The following GPRIN3 variants were observed in gnomAD, a reference collection of about 807,000 sequenced individuals.
GPRIN3 encodes the protein GPRIN family member 3, also known as G protein-regulated inducer of neurite outgrowth 3.
A neutral mutation model predicts 13.7 loss-of-function variants in GPRIN3; 12 were observed. That is an observed-to-expected ratio of 0.87 (90% CI 0.56 to 1.42). The LOEUF is 1.42. Among genes scored for constraint, GPRIN3 ranks in the 40% most tolerant of loss-of-function variants. GPRIN3 has a pLI of 0.00. For missense variants in GPRIN3, 1,009 were observed against 958.7 expected (o/e 1.05, Z -0.69); for synonymous variants, 377 against 372.7 (o/e 1.01, Z -0.13).
At position 89,248,749 on chromosome 4, in the gene GPRIN3, C is replaced by G; in HGVS notation, c.1362G>C (p.Lys454Asn). 6.2e-7 allele frequency: 1 copy of G among 1,614,150 alleles called. No homozygotes were observed. Among genetic ancestry groups the G allele is most frequent in the Non-Finnish European group, 8.5e-7 (1 of 1,180,028 alleles). ...TPVREESTAKKLAGTNSSSLK... is the reference protein window; with the variant it reads ...TPVREESTAKNLAGTNSSSLK... Reference sequence around the variant, plus strand: ...GGGAGCTAGAATTAGTACCTGCGAGCTTTTTAGCAGTTGACTCTTCCCTCA... The same window carrying G: ...GGGAGCTAGAATTAGTACCTGCGAGGTTTTTAGCAGTTGACTCTTCCCTCA... Residue 454 changes from lysine (K) to asparagine (N), a missense_variant, in exon 2 of 2, where the codon AAG becomes AAC. Transcript: ENST00000609438.
intron 1 of GPRIN3, among the ~76,000 whole-genome samples, chr4:89,255,161 T>C (rs543184749): frequency 6.6e-6 from 1 of 152,140 alleles, no homozygotes; most frequent in Admixed American, 6.5e-5. Context: ...GAACATGGAC[T>C]CTGGGGCAGA....
chr4:89,238,906 A>G lies in GPRIN3; in HGVS notation c.*8874T>C, dbSNP rs1722852184. ...GAAAAGTGAGATGCAAAAAAATCAT[A>G]ATCTAAATTTTTTGATGGTAAAACT... On this transcript the variant is annotated 3_prime_UTR_variant, in exon 2 of 2. Transcript: ENST00000609438. 1 of 152,210 alleles carries G rather than the reference A, an allele frequency of 6.6e-6. No individual in the cohort carries two copies. The highest frequency in any genetic ancestry group is 2.1e-4 in the South Asian group (1 of 4,836). The allele number at this position is 152,210 out of a possible 1,614,324, so 9.4% of individuals were successfully genotyped here.
chr4:89,280,265 A>C (rs545852283), intron 1 of GPRIN3, among the ~76,000 whole-genome samples: 2 of 152,098 alleles, frequency 1.3e-5, no homozygotes, highest in South Asian at 4.2e-4. Flanking sequence ...TTCTTAACTG[A>C]TCTCTCTGCC....
chr4:89,268,811 G>A (rs1052203153), intron 1 of GPRIN3, among the ~76,000 whole-genome samples: 36 of 152,118 alleles, frequency 2.4e-4, no homozygotes, highest in Non-Finnish European at 4.1e-4. Context: ...GGGCCACTGA[G>A]GGAATATTCA....
At chr4:89,304,680 AGTCT>A (rs1561239450) in intron 1 of GPRIN3, among the ~76,000 whole-genome samples, 1 of 152,178 alleles carries the variant, frequency 6.6e-6, no homozygotes. Context: ...TTGTTTGTTC[AGTCT>A]GTTTTTTACA....
At chr4:89,287,966 C>T (rs1724466632) in intron 1 of GPRIN3, among the ~76,000 whole-genome samples, 1 of 152,146 alleles carries the variant, frequency 6.6e-6, no homozygotes, top group Non-Finnish European at 1.5e-5. Context: ...ACTTGTATCA[C>T]ATAATGACCA....
At chr4:89,295,787 A>G (rs1561230147) in intron 1 of GPRIN3, among the ~76,000 whole-genome samples, 1 of 152,122 alleles carries the variant, frequency 6.6e-6, no homozygotes, top group Non-Finnish European at 1.5e-5. Flanking sequence ...AGGGACTGTG[A>G]CATTTGTGTA....
Position 89,244,639 on chromosome 4 carries a change from T to G in GPRIN3, c.*3141A>C, listed in dbSNP as rs1467800804. On this transcript the variant is annotated 3_prime_UTR_variant, in exon 2 of 2. Transcript: ENST00000609438. ...TAGAAAAGCATTCAAGATAAACATATGACAGCTGAAGCTGTCACATTTTTC... is the reference window on the plus strand; with the variant it reads ...TAGAAAAGCATTCAAGATAAACATAGGACAGCTGAAGCTGTCACATTTTTC... The G allele has an allele frequency of 6.6e-6, 1 of 152,158 alleles. No homozygotes were observed. Among genetic ancestry groups the G allele is most frequent in the Non-Finnish European group, 1.5e-5 (1 of 68,010 alleles). The allele number at this position is 152,158 out of a possible 1,614,324, so 9.4% of individuals were successfully genotyped here.
chr4:89,298,483 T>C (rs1431653842), intron 1 of GPRIN3, among the ~76,000 whole-genome samples: 1 of 151,974 alleles, frequency 6.6e-6, no homozygotes, highest in Non-Finnish European at 1.5e-5. Flanking sequence ...GGGACCCAGG[T>C]TGTTAGGCTA....
intron 1 of GPRIN3, among the ~76,000 whole-genome samples, chr4:89,275,172 GCA>G (rs1418138180): frequency 3.2e-5 from 4 of 125,840 alleles, no homozygotes; most frequent in African/African-American, 5.9e-5. Context: ...ACGCGCATGT[GCA>G]CAGTGTATGG....
intron 1 of GPRIN3, among the ~76,000 whole-genome samples, chr4:89,262,831 C>T (rs1353499758): frequency 6.6e-6 from 1 of 152,222 alleles, no homozygotes; most frequent in African/African-American, 2.4e-5. Context: ...CGCCATCCCC[C>T]TACTTTCCTA....
In GPRIN3 at chr4:89,264,427, C is replaced by A. The variant is rs142403925; in HGVS notation, c.-123-14194G>T. Among the ~76,000 whole-genome samples the A allele has an allele frequency of 4.1e-3, 619 of 152,268 alleles. 4 individuals are homozygous for A. The highest frequency in any genetic ancestry group is 0.014 in the African/African-American group (578 of 41,556). ...CCTGCAGAACTGTGAGTGAAATAAA[C>A]CTCTTTTCTTAATAAATTACCTAGC... On this transcript the variant is annotated intron_variant, in intron 1 of 1. Transcript: ENST00000609438.
At chr4:89,294,633 G>C (rs956042308) in intron 1 of GPRIN3, among the ~76,000 whole-genome samples, 6 of 152,114 alleles carry the variant, frequency 3.9e-5, no homozygotes, top group African/African-American at 1.4e-4. Flanking sequence ...ACACATTTCA[G>C]CTTCCTGTTT....
At position 89,244,869 on chromosome 4, in the gene GPRIN3, T is replaced by C. The variant is rs1398226239; in HGVS notation, c.*2911A>G. The C allele has an allele frequency of 1.3e-5, 2 of 152,198 alleles. No individual in the cohort carries two copies. Among genetic ancestry groups the C allele is most frequent in the Admixed American group, 6.5e-5 (1 of 15,272 alleles). The allele number at this position is 152,198 out of a possible 1,614,324, so 9.4% of individuals were successfully genotyped here. A position where few individuals can be genotyped will look rare whatever the true frequency, so the allele number is the denominator to read the frequency against. On this transcript the variant is annotated 3_prime_UTR_variant, in exon 2 of 2. Coordinates refer to ENST00000609438, the MANE Select transcript of GPRIN3 (RefSeq NM_198281.3). ...TCCTCCATATATTTCAAAAATATAATGCATGAAAAAGAACCAAATCATATC... is the reference window on the plus strand; with the variant it reads ...TCCTCCATATATTTCAAAAATATAACGCATGAAAAAGAACCAAATCATATC...
At chr4:89,298,759 A>G (rs1724811365) in intron 1 of GPRIN3, among the ~76,000 whole-genome samples, 1 of 152,098 alleles carries the variant, frequency 6.6e-6, no homozygotes. Context: ...GCCTTCTGCC[A>G]ACTCCATTTC....
At position 89,249,335 on chromosome 4, in the gene GPRIN3, C is replaced by T. The variant is rs764965600; in HGVS notation, c.776G>A (p.Gly259Asp). The change falls in exon 2 of 2, where the codon GGC (glycine) becomes GAC (aspartate). Residue 259 changes from glycine (G) to aspartate (D), a missense_variant. Gly to Asp is a moderately conservative substitution (Grantham distance 94). Coordinates refer to ENST00000609438, the MANE Select transcript of GPRIN3 (RefSeq NM_198281.3). ...TGGTTGAGGTGTCACAGAAGTTGTG[C>T]CTTGGGGGCCCGAGGCAGTGACAGA... is the stretch of plus-strand genomic sequence containing the variant. ...QPSVTASGPQ[G>D]TTSVTPQPTP... The T allele has an allele frequency of 1.9e-6, 3 of 1,614,050 alleles. No individual in the cohort carries two copies. Among genetic ancestry groups the T allele is most frequent in the South Asian group, 1.1e-5 (1 of 91,070 alleles).
In GPRIN3 at chr4:89,249,817, G is replaced by T; in HGVS notation, c.294C>A (p.Gly98=). The T allele has an allele frequency of 2.5e-6, 4 of 1,614,204 alleles. No individual in the cohort carries two copies. The highest frequency in any genetic ancestry group is 3.4e-6 in the Non-Finnish European group (4 of 1,180,014). Residue 98 remains glycine, a synonymous_variant, in exon 2 of 2, where the codon GGC becomes GGA. Transcript: ENST00000609438. ...GGCTGCTCCCTGGCAGCTGGGGATT[G>T]CCGGGAGAGTTGAATGTGGCAGGTG... ...QKAPATFNSP[G]NPQLPGSSQP...
chr4:89,295,571 C>T (rs570778541), intron 1 of GPRIN3, among the ~76,000 whole-genome samples: 4 of 152,006 alleles, frequency 2.6e-5, no homozygotes, highest in East Asian at 1.9e-4. Flanking sequence ...AACAAGGGCC[C>T]GTTTGGGTTC....
In GPRIN3 at chr4:89,241,215, AAC is replaced by A. The variant is rs1722937555; in HGVS notation, c.*6563_*6564del. 1.3e-5 allele frequency: 2 copies of A among 152,112 alleles called. No homozygotes were observed. The highest frequency in any genetic ancestry group is 4.1e-4 in the South Asian group (2 of 4,830). 9.4% of individuals were successfully genotyped at this position (152,112 alleles called of 1,614,324 possible). On this transcript the variant is annotated 3_prime_UTR_variant, in exon 2 of 2. Transcript: ENST00000609438. ...CTACTCAAGGAGATGATAAAAAAAA[AAC>A]ACAAATCAAACAGCCCTTTCTGACC...
Sources: gnomAD v4.1 joint callset for allele counts (sites outside exome capture counted in the v4.1 genomes callset) on GRCh38, gnomAD v4.1.1 for gene constraint, MANE v1.5 for transcripts, NCBI Gene and HGNC (gene_info 2026-07-23, HGNC 2026-07-21) for gene names.